TCF4: variants seen among roughly 807,000 people sequenced by gnomAD.
TCF4 encodes SL3-3 enhancer factor 2.
A neutral mutation model predicts 82.1 loss-of-function variants in TCF4; 3 were observed. That is an observed-to-expected ratio of 0.04 (90% CI 0.02 to 0.09). The LOEUF is 0.09. Among genes scored for constraint, TCF4 ranks in the 10% least tolerant of loss-of-function variants. The probability of loss-of-function intolerance (pLI) is 1.00; values close to 1 mark genes in which losing one functional copy is unlikely to be tolerated. For synonymous variants in TCF4, 276 were observed against 309.6 expected, an observed-to-expected ratio of 0.89 and a Z score of 1.14; for missense variants, 518 against 852.7, an observed-to-expected ratio of 0.61 and a Z score of 4.89.
rs541617207 is a variant in TCF4 at position 55,282,644 on chromosome 18, T to C, written c.550-2988A>G. On this transcript the variant is annotated intron_variant, in intron 8 of 19. Coordinates refer to ENST00000354452, the MANE Select transcript of TCF4 (RefSeq NM_001083962.2). ...ACACAATTGTTAAATAAAATAGCTTTATTTAATCAATAGAATAATAACAAA... is the reference window on the plus strand; with the variant it reads ...ACACAATTGTTAAATAAAATAGCTTCATTTAATCAATAGAATAATAACAAA... 3.9e-5 allele frequency among the ~76,000 whole-genome samples: 6 copies of C among 152,270 alleles called. No individual in the cohort carries two copies. The South Asian group carries it at 1.2e-3, about 32-fold the overall frequency.
At chr18:55,586,180 CAG>C (rs2097647978) in intron 2 of TCF4, 2 of 617,060 alleles carry the variant, frequency 3.2e-6, no homozygotes, top group Admixed American at 3.9e-5. Flanking sequence ...GCAGCAGCAG[CAG>C]CAGCAGCAGC....
At chr18:55,277,136 G>A (rs2061616801) in intron 9 of TCF4, among the ~76,000 whole-genome samples, 1 of 152,146 alleles carries the variant, frequency 6.6e-6, no homozygotes, top group African/African-American at 2.4e-5. Context: ...AGGGCACCAA[G>A]TACCCCTCTA....
intron 5 of TCF4, among the ~76,000 whole-genome samples, chr18:55,419,065 A>G (rs1025946614): frequency 1.3e-5 from 2 of 152,208 alleles, no homozygotes; most frequent in African/African-American, 4.8e-5. Flanking sequence ...TGGTAAAATA[A>G]CACCTGATCC....
intron 3 of TCF4, among the ~76,000 whole-genome samples, chr18:55,570,058 A>G (rs1401034805): frequency 3.9e-5 from 6 of 152,190 alleles, no homozygotes; most frequent in African/African-American, 1.4e-4. Context: ...CAAGGTAGCC[A>G]AACTAACCAA....
At chr18:55,463,578 T>C (rs556442880) in intron 4 of TCF4, among the ~76,000 whole-genome samples, 1 of 152,310 alleles carries the variant, frequency 6.6e-6, no homozygotes. Flanking sequence ...ATAACATGTC[T>C]ACATAGCGAA....
At chr18:55,613,085 G>A (rs1296219391) in intron 2 of TCF4, among the ~76,000 whole-genome samples, 2 of 151,996 alleles carry the variant, frequency 1.3e-5, no homozygotes, top group African/African-American at 4.8e-5. Flanking sequence ...TTAAAAAGTA[G>A]CTCTGTTGAG....
intron 2 of TCF4, among the ~76,000 whole-genome samples, chr18:55,620,600 ACT>A (rs1365410834): frequency 6.6e-6 from 1 of 151,586 alleles, no homozygotes; most frequent in Non-Finnish European, 1.5e-5. Context: ...CCCACTTTCA[ACT>A]CTGTCTCAAC....
chr18:55,227,462 G>T lies in TCF4; in HGVS notation c.*573C>A, dbSNP rs996447656. On this transcript the variant is annotated 3_prime_UTR_variant, in exon 20 of 20. Transcript: ENST00000354452. ...CCTCCTACCCTAAGGAATGGCTAAT[G>T]TCATCACTTCGTTGTCATCAGGACG... 2.0e-5 allele frequency: 3 copies of T among 151,710 alleles called. No homozygotes were observed. Among genetic ancestry groups the T allele is most frequent in the African/African-American group, 7.3e-5 (3 of 41,276 alleles). The allele number at this position is 151,710 out of a possible 1,614,324, so 9.4% of individuals were successfully genotyped here.
intron 5 of TCF4, among the ~76,000 whole-genome samples, chr18:55,434,073 C>CT (rs1413579921): frequency 6.6e-6 from 1 of 152,126 alleles, no homozygotes; most frequent in African/African-American, 2.4e-5. Context: ...ACAAAATAGT[C>CT]TCATTCAATG....
At chr18:55,233,277 A>AT (rs931789223) in intron 16 of TCF4, among the ~76,000 whole-genome samples, 11 of 152,162 alleles carry the variant, frequency 7.2e-5, no homozygotes, top group Non-Finnish European at 1.5e-4. Flanking sequence ...TAATGTAGTA[A>AT]TTTTTTTAAA....
chr18:55,624,190 T>C (rs1159753104), intron 2 of TCF4, among the ~76,000 whole-genome samples: 1 of 152,128 alleles, frequency 6.6e-6, no homozygotes, highest in Non-Finnish European at 1.5e-5. Context: ...TAATTTTATA[T>C]AAATTTTTTA....
At chr18:55,330,894 A>C (rs1178757456) in intron 8 of TCF4, among the ~76,000 whole-genome samples, 1 of 152,192 alleles carries the variant, frequency 6.6e-6, no homozygotes, top group Non-Finnish European at 1.5e-5. Flanking sequence ...TACCTGCATA[A>C]GTTCTAGCTT....
intron 9 of TCF4, among the ~76,000 whole-genome samples, chr18:55,276,919 A>G (rs1488879782): frequency 1.3e-5 from 2 of 152,172 alleles, no homozygotes; most frequent in African/African-American, 4.8e-5. Flanking sequence ...CTCATTTCAT[A>G]TTGGGAGGAA....
At chr18:55,612,635 A>G (rs2097708152) in intron 2 of TCF4, among the ~76,000 whole-genome samples, 2 of 152,054 alleles carry the variant, frequency 1.3e-5, no homozygotes, top group Non-Finnish European at 2.9e-5. Context: ...AATTGTATAC[A>G]TTTAGGAGGT....
intron 6 of TCF4, among the ~76,000 whole-genome samples, chr18:55,382,852 T>C (rs1244639949): frequency 2.6e-5 from 4 of 152,234 alleles, no homozygotes; most frequent in Non-Finnish European, 5.9e-5. Context: ...TACCAGGGCA[T>C]AGTCTCCTTC....
rs190740752 is a variant in TCF4, at chr18:55,603,154, G to C, written c.287-16018C>G. ...ATTTCAGGCTGGAAAATTCTTTGAC[G>C]TGGAAGTATATCCTGGCCATTACAT... On this transcript the variant is annotated intron_variant, in intron 2 of 20. Transcript: ENST00000398339. Among the ~76,000 whole-genome samples, 414 of 152,162 alleles carry C rather than the reference G, an allele frequency of 2.7e-3. 2 individuals are homozygous for C. Among genetic ancestry groups the C allele is most frequent in the Non-Finnish European group, 3.7e-3 (253 of 68,002 alleles).
chr18:55,291,683 T>A (rs1372847216), intron 8 of TCF4, among the ~76,000 whole-genome samples: 2 of 152,168 alleles, frequency 1.3e-5, no homozygotes. Context: ...TGCTTCTCTG[T>A]CTGTTACCCA....
intron 8 of TCF4, among the ~76,000 whole-genome samples, chr18:55,291,075 C>T (rs757781188): frequency 6.6e-6 from 1 of 152,122 alleles, no homozygotes; most frequent in Non-Finnish European, 1.5e-5. Context: ...TCTAAGTGGT[C>T]AACCATGCTA....
intron 8 of TCF4, among the ~76,000 whole-genome samples, chr18:55,291,812 T>C (rs1467105998): frequency 6.6e-6 from 1 of 152,178 alleles, no homozygotes; most frequent in African/African-American, 2.4e-5. Flanking sequence ...CTAGGTGCTT[T>C]GGTAAATTAC....
Sources: gnomAD v4.1 joint callset for allele counts (sites outside exome capture counted in the v4.1 genomes callset) on GRCh38, gnomAD v4.1.1 for gene constraint, MANE v1.5 for transcripts, NCBI Gene and HGNC (gene_info 2026-07-23, HGNC 2026-07-21) for gene names.